The following MPDZ variants were observed in gnomAD, a reference collection of about 807,000 sequenced individuals.
MPDZ encodes multiple PDZ domain crumbs cell polarity complex component, also known as multiple PDZ domain protein.
In MPDZ, 234 loss-of-function variants were observed where a neutral mutation model predicts 239.1. The observed-to-expected ratio is 0.98, with a 90% CI of 0.88 to 1.09. The LOEUF is 1.09. Ranked by LOEUF, MPDZ falls within the 50% of genes least tolerant of loss-of-function variation. The probability of loss-of-function intolerance (pLI) is 0.00; values close to 1 mark genes in which losing one functional copy is unlikely to be tolerated. For synonymous variants in MPDZ, 1,048 were observed against 881.3 expected (o/e 1.19, Z -3.35); for missense variants, 3,175 against 2,510.0 (o/e 1.26, Z -5.66).
At chr9:13,236,336 G>A (rs1324210771) in intron 3 of MPDZ, among the ~76,000 whole-genome samples, 1 of 137,704 alleles carries the variant, frequency 7.3e-6, no homozygotes, top group African/African-American at 2.8e-5. Context: ...GGAGTGCGAT[G>A]GCACAATCTC....
At position 13,219,639 on chromosome 9, in the gene MPDZ, C is replaced by T; in HGVS notation, c.1006G>A (p.Gly336Ser). The T allele has an allele frequency of 6.2e-7, 1 of 1,612,642 alleles. No homozygotes were observed. Among genetic ancestry groups the T allele is most frequent in the Non-Finnish European group, 8.5e-7 (1 of 1,179,188 alleles). ...GGTGCTGTACGTTCTTCTATGGCACCTCTTGCAATCATCAACTTAACTCTA... is the reference window on the plus strand; with the variant it reads ...GGTGCTGTACGTTCTTCTATGGCACTTCTTGCAATCATCAACTTAACTCTA... Reference protein sequence around the residue: ...GNRVKLMIARGAIEERTAPTA... With the variant: ...GNRVKLMIARSAIEERTAPTA... Residue 336 changes from glycine to serine, a missense_variant, in exon 8 of 47, where the codon GGT becomes AGT. Physicochemically the swap from Gly to Ser is moderately conservative, Grantham distance 56. Transcript: ENST00000319217.
intron 16 of MPDZ, among the ~76,000 whole-genome samples, chr9:13,189,575 G>C (rs977026132): frequency 2.6e-4 from 40 of 152,208 alleles, no homozygotes; most frequent in Middle Eastern, 3.4e-3. Flanking sequence ...TTCTGATTTA[G>C]TGTAAGTAAG....
chr9:13,216,976 A>G, intron 9 of MPDZ, 114 bp from the exon 10 acceptor site: 1 of 839,664 alleles, frequency 1.2e-6, no homozygotes, highest in Non-Finnish European at 1.9e-6. Flanking sequence ...ATCATCTAGT[A>G]GAAACACAGG....
intron 15 of MPDZ, 115 bp from the exon 16 acceptor site, chr9:13,190,414 A>AAGAGT (rs1954747320): frequency 2.3e-6 from 2 of 875,084 alleles, no homozygotes; most frequent in South Asian, 9.4e-5. Context: ...ATCCTCAAAC[A>AAGAGT]AGAGTAGCAA....
intron 26 of MPDZ, among the ~76,000 whole-genome samples, chr9:13,145,047 T>A (rs954775796): frequency 3.9e-5 from 6 of 152,114 alleles, no homozygotes; most frequent in African/African-American, 1.4e-4. Flanking sequence ...CTCTAGTTTT[T>A]AAATTTTTAT....
chr9:13,268,010 C>T (rs987241884), intron 1 of MPDZ, among the ~76,000 whole-genome samples: 13 of 152,004 alleles, frequency 8.6e-5, no homozygotes, highest in African/African-American at 3.1e-4. Flanking sequence ...TTGTCAAAAT[C>T]CTGTAAGATA....
intron 16 of MPDZ, 69 bp from the exon 17 acceptor site, chr9:13,189,062 T>A: frequency 7.3e-7 from 1 of 1,361,260 alleles, no homozygotes. Context: ...TCGTCCACTC[T>A]AAATCGTAAC....
Position 13,221,425 on chromosome 9 carries a change from T to C in MPDZ, c.823A>G (p.Lys275Glu), listed in dbSNP as rs1352160544. ...SGLGFGIIGGKATGVIVKTIL... is the reference protein window; with the variant it reads ...SGLGFGIIGGEATGVIVKTIL... ...GTTTTTACTATCACACCAGTTGCTT[T>C]TCCTCCTATGATGCCAAATCCCAAA... The change falls in exon 7 of 47, where the codon AAA (lysine) becomes GAA (glutamate). Residue 275 changes from lysine to glutamate, a missense_variant. Transcript: ENST00000319217. 6.2e-7 allele frequency: 1 copy of C among 1,611,442 alleles called. No homozygotes were observed. Among genetic ancestry groups the C allele is most frequent in the South Asian group, 1.1e-5 (1 of 90,966 alleles).
At chr9:13,218,687 C>T (rs769916501) in intron 8 of MPDZ, among the ~76,000 whole-genome samples, 1 of 151,788 alleles carries the variant, frequency 6.6e-6, no homozygotes. Flanking sequence ...TTAGAAAAAA[C>T]TTTAATAGAA....
chr9:13,171,411 T>G (rs12351444), intron 21 of MPDZ, among the ~76,000 whole-genome samples: 1 of 151,872 alleles, frequency 6.6e-6, no homozygotes, highest in African/African-American at 2.4e-5. Context: ...AAATCAGAGA[T>G]AGACAGGCTT....
At chr9:13,249,936 A>G (rs770991410) in intron 2 of MPDZ, among the ~76,000 whole-genome samples, 9 of 152,204 alleles carry the variant, frequency 5.9e-5, no homozygotes, top group Non-Finnish European at 1.2e-4. Flanking sequence ...AGTAAAAGTA[A>G]TATCTTCTTT....
At chr9:13,127,737 AC>A (rs1945333923) in intron 32 of MPDZ, among the ~76,000 whole-genome samples, 1 of 152,092 alleles carries the variant, frequency 6.6e-6, no homozygotes, top group Admixed American at 6.6e-5. Context: ...TGAAACTGTC[AC>A]TGACCATCTC....
chr9:13,229,919 T>C (rs1961877134), intron 3 of MPDZ, among the ~76,000 whole-genome samples: 1 of 151,866 alleles, frequency 6.6e-6, no homozygotes, highest in Non-Finnish European at 1.5e-5. Context: ...TAAAGTAGAA[T>C]CAAATAAGTC....
chr9:13,220,343 A>G (rs937073008), intron 7 of MPDZ, among the ~76,000 whole-genome samples: 5 of 152,004 alleles, frequency 3.3e-5, no homozygotes, highest in Non-Finnish European at 7.4e-5. Flanking sequence ...ACTTTCTGCA[A>G]TGATGGAACT....
intron 3 of MPDZ, among the ~76,000 whole-genome samples, chr9:13,242,623 A>G (rs532387806): frequency 3.3e-5 from 5 of 152,278 alleles, no homozygotes; most frequent in African/African-American, 9.6e-5. Context: ...AAAAAATGCA[A>G]AAGAACAAAG....
At chr9:13,116,829 A>G (rs1164558205) in intron 39 of MPDZ, among the ~76,000 whole-genome samples, 1 of 152,204 alleles carries the variant, frequency 6.6e-6, no homozygotes, top group Non-Finnish European at 1.5e-5. Flanking sequence ...CATAAGTCCA[A>G]CAATTACCTC....
rs187858677 is a variant in MPDZ, at chr9:13,112,446, C to T, written c.5602-300G>A. On this transcript the variant is annotated intron_variant, in intron 42 of 46. Coordinates refer to ENST00000319217, the MANE Select transcript of MPDZ (RefSeq NM_001378778.1). Reference sequence around the variant, plus strand: ...AAGACCACACTTTTGGAATCAGAGTCCTGTGTTCAAAGCCACGAAGTCATA... The same window carrying T: ...AAGACCACACTTTTGGAATCAGAGTTCTGTGTTCAAAGCCACGAAGTCATA... Among the ~76,000 whole-genome samples, 4 of 152,262 alleles carry T rather than the reference C, an allele frequency of 2.6e-5. No homozygotes were observed. The East Asian group carries it at 7.7e-4, about 29-fold the overall frequency.
At chr9:13,179,533 G>A (rs572668274) in intron 19 of MPDZ, among the ~76,000 whole-genome samples, 3 of 152,182 alleles carry the variant, frequency 2.0e-5, no homozygotes, top group South Asian at 4.1e-4. Flanking sequence ...CTTCAGAAAC[G>A]TTTCTGGTTG....
intron 12 of MPDZ, among the ~76,000 whole-genome samples, chr9:13,201,297 T>C (rs1372242042): frequency 6.6e-6 from 1 of 152,082 alleles, no homozygotes; most frequent in Non-Finnish European, 1.5e-5. Flanking sequence ...GAAAGCAATA[T>C]AGCAATATTG....
Sources: gnomAD v4.1 joint callset for allele counts (sites outside exome capture counted in the v4.1 genomes callset) on GRCh38, gnomAD v4.1.1 for gene constraint, MANE v1.5 for transcripts, NCBI Gene and HGNC (gene_info 2026-07-23, HGNC 2026-07-21) for gene names.